The following BRF1 variants were observed in gnomAD, a reference collection of about 807,000 sequenced individuals.
The protein encoded by BRF1 is BRF1 general transcription factor IIIB subunit, also known as transcription factor IIIB 90 kDa subunit.
A neutral mutation model predicts 81.7 loss-of-function variants in BRF1; 59 were observed. The observed-to-expected ratio is 0.72, with a 90% CI of 0.59 to 0.90. The LOEUF is 0.90. Ranked by LOEUF, BRF1 falls within the 40% of genes least tolerant of loss-of-function variation. BRF1 has a pLI of 0.00. For synonymous variants in BRF1, 491 were observed against 395.6 expected (o/e 1.24, Z -2.86); for missense variants, 1,050 against 936.3 (o/e 1.12, Z -1.58).
At chr14:105,218,872 G>A in intron 14 of BRF1, 126 bp downstream of exon 14, 1 of 1,359,752 alleles carries the variant, frequency 7.4e-7, no homozygotes, top group South Asian at 1.3e-5. Context: ...AGAGCACATG[G>A]CCTCCGGCTG....
rs1566848999 is a variant in BRF1, at chr14:105,265,064, TGTTTG to T, written c.439+7652_439+7656del. ...CTTATCCTTTTTTTTGTTTTTTTTTTGTTTGTTTGTTTTTTTAGAGACAGGGTCTC... is the reference window on the plus strand; with the variant it reads ...CTTATCCTTTTTTTTGTTTTTTTTTTTTTGTTTTTTTAGAGACAGGGTCTC... On this transcript the variant is annotated intron_variant, in intron 3 of 17. Coordinates refer to ENST00000547530, the MANE Select transcript of BRF1 (RefSeq NM_001519.4). Among the ~76,000 whole-genome samples the T allele has an allele frequency of 6.9e-4, 98 of 142,536 alleles. 3 individuals carry two copies. The highest frequency in any genetic ancestry group is 1.8e-3 in the African/African-American group (65 of 36,410). 93.5% of individuals were successfully genotyped at this position (142,536 alleles called of 152,430 possible). A position where few individuals can be genotyped will look rare whatever the true frequency, so the allele number is the denominator to read the frequency against.
Position 105,286,364 on chromosome 14 carries a change from GT to G in BRF1, c.196del (p.Thr66ProfsTer10). The G allele has an allele frequency of 6.2e-7, 1 of 1,613,168 alleles. No homozygotes were observed. The highest frequency in any genetic ancestry group is 1.1e-5 in the South Asian group (1 of 90,790). Reference sequence around the variant, plus strand: ...GTGGAAGCCGCCACCCAGAGTCGGGGTTTTGCCAGCACCTGGAAACACAAAA... The same window carrying G: ...GTGGAAGCCGCCACCCAGAGTCGGGGTTTGCCAGCACCTGGAAACACAAAA... ...QFVSLDGAGK[T>X]PTLGGGFHVN... is the part of the protein sequence containing the mutation. On this transcript the variant is annotated frameshift_variant, in exon 2 of 18. Transcript: ENST00000547530. LOFTEE classifies it high-confidence loss of function.
At chr14:105,228,216 G>A (rs981319138) in intron 7 of BRF1, 6 of 152,378 alleles carry the variant, frequency 3.9e-5, no homozygotes, top group African/African-American at 1.2e-4. Context: ...ACAGCCTCAT[G>A]CCTGTTTGTG....
chr14:105,300,231 C>A, intron 1 of BRF1, among the ~76,000 whole-genome samples: 1 of 152,224 alleles, frequency 6.6e-6, no homozygotes, highest in East Asian at 1.9e-4. Context: ...ACGCGTGTGT[C>A]GAGGAAGTCC....
chr14:105,249,000 C>CCGCCCG lies in BRF1; in HGVS notation c.544+3501_544+3506dup, dbSNP rs1014041749. The CCGCCCG allele has an allele frequency of 1.5e-4, 154 of 1,025,012 alleles. 1 individual carries two copies. The highest frequency in any genetic ancestry group is 1.5e-3 in the Admixed American group (25 of 17,104). 63.5% of individuals were successfully genotyped at this position (1,025,012 alleles called of 1,614,324 possible). ...CAGCGCCCCCGCGCCAGCGCCGCCG[C>CCGCCCG]CGCCCGCGCCCGCGCCGCCCACACT... On this transcript the variant is annotated intron_variant, in intron 5 of 17. Transcript: ENST00000547530.
intron 3 of BRF1, among the ~76,000 whole-genome samples, chr14:105,266,655 C>A (rs1026443914): frequency 6.6e-6 from 1 of 152,112 alleles, no homozygotes; most frequent in African/African-American, 2.4e-5. Flanking sequence ...CCTCCCAGGA[C>A]AGGAGAGAGC....
At chr14:105,242,104 T>C (rs1183256272) in intron 5 of BRF1, 1 of 152,740 alleles carries the variant, frequency 6.5e-6, no homozygotes, top group Non-Finnish European at 1.5e-5. Flanking sequence ...CAGGTGGCTA[T>C]GACTTGCATC....
upstream of BRF1, among the ~76,000 whole-genome samples, chr14:105,305,386 A>AT (rs2058157262): frequency 6.6e-6 from 1 of 152,138 alleles, no homozygotes; most frequent in Admixed American, 6.5e-5. Flanking sequence ...TGGGCGACAG[A>AT]TTGAGAACCT....
At chr14:105,216,130 A>T (rs1163647825) in intron 15 of BRF1, among the ~76,000 whole-genome samples, 1 of 152,196 alleles carries the variant, frequency 6.6e-6, no homozygotes, top group East Asian at 1.9e-4. Flanking sequence ...GCACACAGAT[A>T]CAGGCATACA....
intron 5 of BRF1, 61 bp from the exon 6 acceptor site, chr14:105,241,475 C>G (rs975922561): frequency 6.3e-7 from 1 of 1,595,272 alleles, no homozygotes; most frequent in Non-Finnish European, 8.5e-7. Context: ...GCACAGGCGG[C>G]CCACGCAGCC....
At chr14:105,222,956 C>G (rs1164605796) in intron 10 of BRF1, among the ~76,000 whole-genome samples, 1 of 152,182 alleles carries the variant, frequency 6.6e-6, no homozygotes, top group Non-Finnish European at 1.5e-5. Flanking sequence ...TAAAGACAGG[C>G]AGTTCGTGGC....
intron 10 of BRF1, among the ~76,000 whole-genome samples, chr14:105,223,508 C>A (rs759101156): frequency 6.6e-6 from 1 of 152,154 alleles, no homozygotes; most frequent in Non-Finnish European, 1.5e-5. Context: ...ACCATTGATG[C>A]GTGACTCAAC....
chr14:105,284,079 C>T lies in BRF1; in HGVS notation c.265+2217G>A, dbSNP rs1307338252. Among the ~76,000 whole-genome samples, 2 of 150,800 alleles carry T rather than the reference C, an allele frequency of 1.3e-5. No individual in the cohort carries two copies. The highest frequency in any genetic ancestry group is 1.3e-4 in the Admixed American group (2 of 15,170). The stretch of plus-strand genomic sequence containing the variant: ...CACTCTCGGTGGCAGACACAGAGAA[C>T]CAGCCAGTGGAGAGGAAGAGGGATG... On this transcript the variant is annotated intron_variant, in intron 2 of 17. Coordinates refer to ENST00000547530, the MANE Select transcript of BRF1 (RefSeq NM_001519.4). This position sits in a 1 kb window ranked among gnomAD's most constrained non-coding sequence, Gnocchi z 4.0.
At chr14:105,261,652 A>G (rs587695826) in intron 3 of BRF1, among the ~76,000 whole-genome samples, 2 of 152,332 alleles carry the variant, frequency 1.3e-5, no homozygotes, top group African/African-American at 4.8e-5. Context: ...TCACATACAA[A>G]TGCTCTTACT....
chr14:105,250,672 A>C, intron 5 of BRF1: 1 of 1,603,224 alleles, frequency 6.2e-7, no homozygotes, highest in South Asian at 1.1e-5. Flanking sequence ...TCTATGCCTG[A>C]GGTGCCCGGG....
At position 105,314,949 on chromosome 14, in the gene BRF1, G is replaced by A. The variant is rs2058500850; in HGVS notation, c.-162+373C>T. 8.5e-6 allele frequency: 10 copies of A among 1,172,882 alleles called. No individual in the cohort carries two copies. Among genetic ancestry groups the A allele is most frequent in the East Asian group, 6.3e-5 (1 of 15,792 alleles). The allele number at this position is 1,172,882 out of a possible 1,614,324, so 72.7% of individuals were successfully genotyped here. On this transcript the variant is annotated intron_variant, in intron 1 of 17. Transcript: ENST00000327359. ...CGAGCGAGGCCGCCTCGGCCTCCCC[G>A]GCGCGCCCGGCGCGCTCAACACGCC...
chr14:105,225,627 C>T (rs1892961797), intron 10 of BRF1, among the ~76,000 whole-genome samples: 1 of 150,586 alleles, frequency 6.6e-6, no homozygotes, highest in African/African-American at 2.5e-5. Context: ...GCAAAGCTGT[C>T]TTTTGTAGGG....
chr14:105,285,625 A>G (rs942185095), intron 2 of BRF1, among the ~76,000 whole-genome samples: 59 of 152,254 alleles, frequency 3.9e-4, no homozygotes, highest in African/African-American at 1.4e-3. Context: ...TTATGATACC[A>G]AAAGCACAGC....
chr14:105,227,851 A>T (rs964828441), intron 7 of BRF1: 1 of 152,252 alleles, frequency 6.6e-6, no homozygotes, highest in Non-Finnish European at 1.5e-5. Flanking sequence ...GGTTTTGGAA[A>T]ATGCCACAGG....
Sources: gnomAD v4.1 joint callset for allele counts (sites outside exome capture counted in the v4.1 genomes callset) on GRCh38, gnomAD v4.1.1 for gene constraint, Gnocchi (gnomAD v3.1) non-coding constraint, MANE v1.5 for transcripts, NCBI Gene and HGNC (gene_info 2026-07-23, HGNC 2026-07-21) for gene names.